Variants in RBBP8 observed in about 807,000 individuals in gnomAD.
The protein encoded by RBBP8 is RB binding protein 8, endonuclease.
A neutral mutation model predicts 108.3 loss-of-function variants in RBBP8; 88 were observed. The observed-to-expected ratio is 0.81, with a 90% CI of 0.68 to 0.97. The LOEUF (loss-of-function observed/expected upper bound fraction) is 0.97. RBBP8 is among the 50% of genes least tolerant of loss of function. The pLI, the probability that RBBP8 is intolerant of heterozygous loss-of-function variation, is 0.00. For missense variants in RBBP8, 1,023 were observed against 1,049.0 expected (o/e 0.98, Z 0.34); for synonymous variants, 332 against 348.2 (o/e 0.95, Z 0.52).
At chr18:23,010,009 C>T (rs1230683802) in intron 16 of RBBP8, among the ~76,000 whole-genome samples, 1 of 152,214 alleles carries the variant, frequency 6.6e-6, no homozygotes, top group Non-Finnish European at 1.5e-5. Flanking sequence ...ATCTGCCTGC[C>T]TTGGCCTCCC....
chr18:22,973,429 C>T (rs1265513461), intron 5 of RBBP8, among the ~76,000 whole-genome samples: 1 of 152,156 alleles, frequency 6.6e-6, no homozygotes, highest in Non-Finnish European at 1.5e-5. Flanking sequence ...TCTTTGACTT[C>T]TGTGAACCCT....
intron 3 of RBBP8, among the ~76,000 whole-genome samples, chr18:22,921,803 AT>A (rs766513112): frequency 4.5e-4 from 69 of 152,290 alleles, no homozygotes; most frequent in Non-Finnish European, 7.4e-4. Flanking sequence ...TTGCTTGCCA[AT>A]TTTTAAAGGG....
chr18:23,022,947 G>A (rs1397517759), intron 18 of RBBP8, among the ~76,000 whole-genome samples: 2 of 151,508 alleles, frequency 1.3e-5, no homozygotes, highest in African/African-American at 4.9e-5. Context: ...CACCCAGGCT[G>A]GAGTGTAGTG....
chr18:23,023,755 G>A (rs895560650), intron 18 of RBBP8, among the ~76,000 whole-genome samples: 9 of 151,894 alleles, frequency 5.9e-5, no homozygotes, highest in African/African-American at 2.2e-4. Context: ...CGAGTCCTTA[G>A]CCTTAAAAGA....
Position 22,936,961 on chromosome 18 carries a change from G to A in RBBP8, c.109+1G>A, listed in dbSNP as rs1910625464. ...GAATGTCATGATAGAGAAGTACAAG[G>A]TAAAATCTTTTCTTAAATACTTACA... On this transcript the variant is annotated splice_donor_variant, in intron 2 of 18. Coordinates refer to ENST00000327155, the MANE Select transcript of RBBP8 (RefSeq NM_002894.3). LOFTEE classifies it high-confidence loss of function. The A allele has an allele frequency of 1.2e-6, 2 of 1,613,876 alleles. No individual in the cohort carries two copies. The highest frequency in any genetic ancestry group is 8.5e-7 in the Non-Finnish European group (1 of 1,179,964).
At chr18:22,923,172 C>T (rs1016380681) in intron 3 of RBBP8, among the ~76,000 whole-genome samples, 34 of 152,004 alleles carry the variant, frequency 2.2e-4, no homozygotes, top group African/African-American at 8.0e-4. Flanking sequence ...TCATTTAATC[C>T]TATCAACAAT....
rs1397267872 is a variant in RBBP8 at position 22,993,260 on chromosome 18, A to G, written c.1433A>G (p.Gln478Arg). The G allele has an allele frequency of 1.2e-6, 2 of 1,614,248 alleles. No homozygotes were observed. Among genetic ancestry groups the G allele is most frequent in the Non-Finnish European group, 1.7e-6 (2 of 1,180,044 alleles). The change falls in exon 11 of 19, where the codon CAG becomes CGG. Residue 478 changes from glutamine to arginine, a missense_variant. By Grantham distance (43) the Gln-to-Arg change is conservative. Transcript: ENST00000327155. The part of the protein sequence containing the change: ...ENAFPFPMDN[Q>R]FSMNGDCVMD... ...GCTTTCCCTTTTCCAATGGATAATCAGTTTTCCATGAATGGAGACTGTGTG... is the reference window on the plus strand; with the variant it reads ...GCTTTCCCTTTTCCAATGGATAATCGGTTTTCCATGAATGGAGACTGTGTG...
chr18:22,982,712 C>T (rs1180116717), intron 7 of RBBP8, among the ~76,000 whole-genome samples: 1 of 152,098 alleles, frequency 6.6e-6, no homozygotes, highest in African/African-American at 2.4e-5. Flanking sequence ...AGGAAAGGAA[C>T]TTAATGTTAA....
intron 2 of RBBP8, among the ~76,000 whole-genome samples, chr18:22,943,699 A>G (rs1911294370): frequency 6.6e-6 from 1 of 152,148 alleles, no homozygotes; most frequent in African/African-American, 2.4e-5. Flanking sequence ...GTTTGTCAAG[A>G]AAGTGATGTT....
At chr18:23,023,106 C>T (rs978568906) in intron 18 of RBBP8, among the ~76,000 whole-genome samples, 1 of 151,728 alleles carries the variant, frequency 6.6e-6, no homozygotes, top group Non-Finnish European at 1.5e-5. Flanking sequence ...CTATGTTGCT[C>T]AGGCTGGTCG....
chr18:22,931,615 A>G (rs1910035899), upstream of RBBP8, among the ~76,000 whole-genome samples: 1 of 152,208 alleles, frequency 6.6e-6, no homozygotes, highest in South Asian at 2.1e-4. Flanking sequence ...CACATAGTAT[A>G]TATCTGAATA....
intron 15 of RBBP8, among the ~76,000 whole-genome samples, chr18:23,003,042 T>C (rs1216773165): frequency 2.6e-5 from 4 of 152,236 alleles, no homozygotes; most frequent in Admixed American, 2.0e-4. Context: ...CAGAATTTCT[T>C]CTCACTTAGC....
intron 2 of RBBP8, 53 bp downstream of exon 2, chr18:22,937,013 CTTT>C: frequency 6.2e-7 from 1 of 1,604,008 alleles, no homozygotes; most frequent in Non-Finnish European, 8.5e-7. Flanking sequence ...ACTGTAGTGG[CTTT>C]GTATACCTTT....
Position 22,993,576 on chromosome 18 carries a change from C to G in RBBP8, c.1749C>G (p.Val583=). 2.5e-6 allele frequency: 4 copies of G among 1,613,828 alleles called. No individual in the cohort carries two copies. Among genetic ancestry groups the G allele is most frequent in the Non-Finnish European group, 3.4e-6 (4 of 1,179,988 alleles). ...TACAAATAAAAGAAGAAAATGCTGT[C>G]TTTAAAATTCCTCTACGTCCACGTG... The part of the protein sequence containing the change: ...PSLQIKEENA[V]FKIPLRPRES... Residue 583 remains valine, a synonymous_variant, in exon 11 of 19, where the codon GTC becomes GTG. Transcript: ENST00000327155.
intron 5 of RBBP8, among the ~76,000 whole-genome samples, chr18:22,974,316 A>G (rs1287955442): frequency 6.6e-6 from 1 of 152,232 alleles, no homozygotes; most frequent in Non-Finnish European, 1.5e-5. Flanking sequence ...TGGAGATTCA[A>G]ACAAACAGAT....
At chr18:22,924,883 A>T (rs1021182210) in intron 3 of RBBP8, among the ~76,000 whole-genome samples, 1 of 152,022 alleles carries the variant, frequency 6.6e-6, no homozygotes, top group Non-Finnish European at 1.5e-5. Context: ...AACTGAGAAA[A>T]GGAAGGAAGC....
chr18:22,942,650 T>G (rs1334528325), intron 2 of RBBP8, among the ~76,000 whole-genome samples: 1 of 152,100 alleles, frequency 6.6e-6, no homozygotes, highest in Non-Finnish European at 1.5e-5. Flanking sequence ...TTACTGATGA[T>G]ATACAGTGTT....
rs768257164 is a variant in RBBP8, at chr18:23,026,243, G to T, written c.*3G>T. 1.2e-6 allele frequency: 2 copies of T among 1,610,176 alleles called. No homozygotes were observed. The highest frequency in any genetic ancestry group is 2.2e-5 in the South Asian group (2 of 90,924). On this transcript the variant is annotated 3_prime_UTR_variant, in exon 19 of 19. Coordinates refer to ENST00000327155, the MANE Select transcript of RBBP8 (RefSeq NM_002894.3). ...AAGGCAAGGAGCAGAAGACATAGAC[G>T]TTGAAACAGAAACAGAAGGATGAAG...
At chr18:23,019,318 C>G (rs2046310741) in intron 17 of RBBP8, among the ~76,000 whole-genome samples, 1 of 152,188 alleles carries the variant, frequency 6.6e-6, no homozygotes, top group Non-Finnish European at 1.5e-5. Context: ...GTTATCCAAT[C>G]TCTGAAAACC....
Sources: gnomAD v4.1 joint callset for allele counts (sites outside exome capture counted in the v4.1 genomes callset) on GRCh38, gnomAD v4.1.1 for gene constraint, MANE v1.5 for transcripts, NCBI Gene and HGNC (gene_info 2026-07-23, HGNC 2026-07-21) for gene names.